RRM2B: variants seen among roughly 807,000 people sequenced by gnomAD.
RRM2B encodes ribonucleoside-diphosphate reductase subunit M2 B.
RRM2B carries 20 observed loss-of-function variants against 45.9 expected under a neutral mutation model. That is an observed-to-expected ratio of 0.44 (90% CI 0.31 to 0.63). The LOEUF (loss-of-function observed/expected upper bound fraction) is 0.63, where lower values mean the gene tolerates loss of function less well. RRM2B is among the 30% of genes least tolerant of loss of function. The pLI is 0.09. For synonymous variants in RRM2B, 124 were observed against 132.3 expected (o/e 0.94, Z 0.43); for missense variants, 320 against 414.7 (o/e 0.77, Z 1.98).
At chr8:102,218,293 A>G in intron 6 of RRM2B, among the ~76,000 whole-genome samples, 1 of 152,198 alleles carries the variant, frequency 6.6e-6, no homozygotes, top group Admixed American at 6.5e-5. Context: ...TGATATTAAG[A>G]ATGACCAGGA....
chr8:102,220,497 T>C (rs1006431648), intron 5 of RRM2B, among the ~76,000 whole-genome samples: 2 of 152,194 alleles, frequency 1.3e-5, no homozygotes, highest in African/African-American at 4.8e-5. Flanking sequence ...TGTAGTGCAA[T>C]GGTGCATTAA....
At position 102,214,094 on chromosome 8, in the gene RRM2B, C is replaced by T; in HGVS notation, c.749G>A (p.Arg250Lys). The change falls in exon 7 of 9, where the codon AGG becomes AAG. Residue 250 changes from arginine to lysine, a missense_variant. Arg to Lys is a conservative substitution (Grantham distance 26, BLOSUM62 2). Transcript: ENST00000251810. Reference sequence around the variant, plus strand: ...AGCATCAACAATGATCTCCCTGACCCTTTCTTCTGAAGGCTTATTTACTAA... The same window carrying T: ...AGCATCAACAATGATCTCCCTGACCTTTTCTTCTGAAGGCTTATTTACTAA... ...QYLVNKPSEE[R>K]VREIIVDAVK... 1 of 1,613,646 alleles carries T rather than the reference C, an allele frequency of 6.2e-7. No homozygotes were observed. Among genetic ancestry groups the T allele is most frequent in the African/African-American group, 1.3e-5 (1 of 74,998 alleles).
intron 2 of RRM2B, among the ~76,000 whole-genome samples, chr8:102,230,366 T>C (rs915474956): frequency 7.9e-5 from 12 of 152,244 alleles, no homozygotes; most frequent in Admixed American, 2.0e-4. Context: ...AGTGTTGCTT[T>C]GTTACAGGTC....
In RRM2B at chr8:102,208,024, G is replaced by T; in HGVS notation, c.*109C>A. On this transcript the variant is annotated 3_prime_UTR_variant, in exon 9 of 9. Coordinates refer to ENST00000251810, the MANE Select transcript of RRM2B (RefSeq NM_015713.5). ...GAATAGGTTTTGGATTTCCTTTTGA[G>T]CAAACCCCCAGTCCTTTAAAGGATA... The T allele has an allele frequency of 1.2e-6, 1 of 862,350 alleles. No individual in the cohort carries two copies. The highest frequency in any genetic ancestry group is 1.9e-6 in the Non-Finnish European group (1 of 538,840). The allele number at this position is 862,350 out of a possible 1,614,324, so 53.4% of individuals were successfully genotyped here. A position where few individuals can be genotyped will look rare whatever the true frequency, so the allele number is the denominator to read the frequency against.
At chr8:102,208,968 G>A (rs1810591025) in intron 8 of RRM2B, among the ~76,000 whole-genome samples, 2 of 152,248 alleles carry the variant, frequency 1.3e-5, no homozygotes, top group Admixed American at 1.3e-4. Context: ...TGACTGACAT[G>A]GTGAAACCCT....
At chr8:102,232,822 T>C (rs895805036) in intron 1 of RRM2B, among the ~76,000 whole-genome samples, 2 of 152,216 alleles carry the variant, frequency 1.3e-5, no homozygotes, top group Non-Finnish European at 2.9e-5. Context: ...GAAAACTCAT[T>C]ACCTACAACT....
intron 2 of RRM2B, among the ~76,000 whole-genome samples, chr8:102,229,446 T>G (rs1213872315): frequency 1.3e-5 from 2 of 152,274 alleles, no homozygotes; most frequent in African/African-American, 2.4e-5. Context: ...TGCTAAGCAC[T>G]GGGGATACAA....
intron 2 of RRM2B, among the ~76,000 whole-genome samples, chr8:102,226,328 A>T (rs904494591): frequency 1.2e-4 from 18 of 147,682 alleles, no homozygotes; most frequent in Non-Finnish European, 2.3e-4. Context: ...CCATTTTATT[A>T]TATATATATA....
intron 7 of RRM2B, among the ~76,000 whole-genome samples, chr8:102,213,505 A>G (rs1436143356): frequency 6.6e-6 from 1 of 152,202 alleles, no homozygotes; most frequent in African/African-American, 2.4e-5. Flanking sequence ...CGCCTGTTAA[A>G]CTACGCAGTG....
chr8:102,219,542 T>C lies in RRM2B; in HGVS notation c.551-595A>G, dbSNP rs189665285. 2.6e-5 allele frequency among the ~76,000 whole-genome samples: 4 copies of C among 152,280 alleles called. No homozygotes were observed. In the East Asian group the frequency reaches 7.7e-4, roughly 29 times the overall value. Reference sequence around the variant, plus strand: ...AGCAAAAATACTGTTTTCTGCTAAATACAAAATGGCCAATTTTAAAGGTTA... The same window carrying C: ...AGCAAAAATACTGTTTTCTGCTAAACACAAAATGGCCAATTTTAAAGGTTA... On this transcript the variant is annotated intron_variant, in intron 5 of 8. Transcript: ENST00000251810.
chr8:102,218,181 T>A (rs1458599083), intron 6 of RRM2B, among the ~76,000 whole-genome samples: 1 of 152,184 alleles, frequency 6.6e-6, no homozygotes, highest in Non-Finnish European at 1.5e-5. Flanking sequence ...TTCGGAGTTA[T>A]GAGCATTTAG....
In RRM2B at chr8:102,213,963, TGACCTACA is replaced by T. The variant is rs29000268; in HGVS notation, c.789+83_789+90del. ...AGAATAAAATTGCTGGTATTTTTATTGACCTACAGAATTTCTTATGAGTCAATATAATA... is the reference window on the plus strand; with the variant it reads ...AGAATAAAATTGCTGGTATTTTTATTGAATTTCTTATGAGTCAATATAATA... On this transcript the variant is annotated intron_variant, in intron 7 of 8. Coordinates refer to ENST00000251810, the MANE Select transcript of RRM2B (RefSeq NM_015713.5). 2.6e-3 allele frequency: 2,207 copies of T among 860,014 alleles called. 71 individuals are homozygous for T. In the East Asian group the frequency reaches 0.05, roughly 20 times the overall value. 53.3% of individuals were successfully genotyped at this position (860,014 alleles called of 1,614,324 possible). A position where few individuals can be genotyped will look rare whatever the true frequency, so the allele number is the denominator to read the frequency against.
intron 5 of RRM2B, 145 bp from the exon 6 acceptor site, chr8:102,219,092 A>G: frequency 1.2e-6 from 1 of 846,570 alleles, no homozygotes; most frequent in Non-Finnish European, 1.9e-6. Flanking sequence ...AGATCTCCAT[A>G]GGAGAAAATG....
chr8:102,230,778 AAT>A (rs1301986535), intron 2 of RRM2B, among the ~76,000 whole-genome samples: 2 of 152,216 alleles, frequency 1.3e-5, no homozygotes, highest in East Asian at 1.9e-4. Flanking sequence ...TGCATAAAAT[AAT>A]AGTTTACATT....
chr8:102,219,026 T>C, intron 5 of RRM2B, 79 bp from the exon 6 acceptor site: 1 of 1,389,018 alleles, frequency 7.2e-7, no homozygotes, highest in Non-Finnish European at 1.0e-6. Context: ...TATATAACAA[T>C]AAATACCACA....
chr8:102,218,876 G>A lies in RRM2B; in HGVS notation c.622C>T (p.Leu208=). Residue 208 remains leucine, a synonymous_variant, in exon 6 of 9, where the codon CTA becomes TTA. Transcript: ENST00000251810. ...CCTGGCATAAGACCTCTCTTCTTTAGCCAGAATATAGCAGCAAAAGATCCT... is the reference window on the plus strand; with the variant it reads ...CCTGGCATAAGACCTCTCTTCTTTAACCAGAATATAGCAGCAAAAGATCCT... The part of the protein sequence containing the change: ...FSGSFAAIFW[L]KKRGLMPGLT... 6.2e-7 allele frequency: 1 copy of A among 1,613,750 alleles called. No individual in the cohort carries two copies. The highest frequency in any genetic ancestry group is 1.3e-5 in the African/African-American group (1 of 75,004).
rs1587165172 is a variant in RRM2B, at chr8:102,207,648, TACA to T, written c.*482_*484del. On this transcript the variant is annotated 3_prime_UTR_variant, in exon 9 of 9. Transcript: ENST00000251810. Reference sequence around the variant, plus strand: ...TTTTAAGGAAATGAGAGTATTTTATTACAACATCATTGCAATTAATATTATCAA... The same window carrying T: ...TTTTAAGGAAATGAGAGTATTTTATTACATCATTGCAATTAATATTATCAA... The T allele has an allele frequency of 6.5e-6, 1 of 153,764 alleles. No individual in the cohort carries two copies. Among genetic ancestry groups the T allele is most frequent in the Admixed American group, 6.4e-5 (1 of 15,552 alleles). The allele number at this position is 153,764 out of a possible 1,614,324, so 9.5% of individuals were successfully genotyped here. A position where few individuals can be genotyped will look rare whatever the true frequency, so the allele number is the denominator to read the frequency against.
At chr8:102,221,065 T>C (rs942186287) in intron 5 of RRM2B, among the ~76,000 whole-genome samples, 3 of 152,334 alleles carry the variant, frequency 2.0e-5, no homozygotes, top group Admixed American at 1.3e-4. Flanking sequence ...TCATTACATA[T>C]ATTAAGTTTT....
chr8:102,204,946 T>G lies in RRM2B; in HGVS notation c.*3187A>C, dbSNP rs1810518482. The G allele has an allele frequency of 2.0e-5, 3 of 152,228 alleles. No homozygotes were observed. Among genetic ancestry groups the G allele is most frequent in the Admixed American group, 2.0e-4 (3 of 15,274 alleles). The allele number at this position is 152,228 out of a possible 1,614,324, so 9.4% of individuals were successfully genotyped here. On this transcript the variant is annotated 3_prime_UTR_variant, in exon 9 of 9. Coordinates refer to ENST00000251810, the MANE Select transcript of RRM2B (RefSeq NM_015713.5). ...CAAATTGAAGGGATTAAATCCTTTC[T>G]TCCTAATGCCTCGGGAATATGAGAT...
Sources: gnomAD v4.1 joint callset for allele counts (sites outside exome capture counted in the v4.1 genomes callset) on GRCh38, gnomAD v4.1.1 for gene constraint, MANE v1.5 for transcripts, NCBI Gene and HGNC (gene_info 2026-07-23, HGNC 2026-07-21) for gene names.